The following BCL11B variants were observed in gnomAD, a reference collection of about 807,000 sequenced individuals.
The protein encoded by BCL11B is BCL11 transcription factor B, also known as B-cell lymphoma/leukemia 11B.
BCL11B carries 8 observed loss-of-function variants against 49.9 expected under a neutral mutation model. The ratio of observed to expected loss-of-function variants is 0.16; its 90% confidence interval spans 0.09 to 0.29. BCL11B has a LOEUF of 0.29. BCL11B is among the 10% of genes least tolerant of loss of function. The probability of loss-of-function intolerance (pLI) is 1.00; values close to 1 mark genes in which losing one functional copy is unlikely to be tolerated. For missense variants in BCL11B, 1,006 were observed against 1,351.0 expected (o/e 0.74, Z 4.00); for synonymous variants, 739 against 637.4 (o/e 1.16, Z -2.40).
In BCL11B at chr14:99,226,351, G is replaced by A. The variant is rs74478722; in HGVS notation, c.640+4994C>T. 5.7e-3 allele frequency among the ~76,000 whole-genome samples: 865 copies of A among 152,148 alleles called. 8 individuals carry two copies. The highest frequency in any genetic ancestry group is 0.02 in the African/African-American group (835 of 41,502). On this transcript the variant is annotated intron_variant, in intron 3 of 3. Coordinates refer to ENST00000357195, the MANE Select transcript of BCL11B (RefSeq NM_138576.4). ...GCTGTCCACACACGCTCACTCACAC[G>A]GTTCTTTTTTTGTCTTCACCCCCAT...
chr14:99,255,433 A>G (rs1447844790), intron 2 of BCL11B, among the ~76,000 whole-genome samples: 2 of 136,000 alleles, frequency 1.5e-5, no homozygotes, highest in African/African-American at 6.1e-5. Context: ...AAAAAAAAAA[A>G]AACAGGGGGG....
chr14:99,174,149 G>A lies in BCL11B; in HGVS notation c.*2C>T, dbSNP rs575421828. The A allele has an allele frequency of 4.6e-5, 74 of 1,610,910 alleles. No homozygotes were observed. Among genetic ancestry groups the A allele is most frequent in the Admixed American group, 2.7e-4 (16 of 60,004 alleles). ...AGGTGCGGGGCGCCGGGGCCCGCGC[G>A]CTTAGCTCCTCTCGGCCTGCTCGAT... On this transcript the variant is annotated 3_prime_UTR_variant, in exon 4 of 4. Coordinates refer to ENST00000357195, the MANE Select transcript of BCL11B (RefSeq NM_138576.4).
chr14:99,265,899 A>G (rs1456888705), intron 1 of BCL11B, among the ~76,000 whole-genome samples: 2 of 152,218 alleles, frequency 1.3e-5, no homozygotes, highest in African/African-American at 4.8e-5. Context: ...ACTCTAGCAT[A>G]AGACTCAGGG....
At position 99,242,192 on chromosome 14, in the gene BCL11B, C is replaced by T. The variant is rs1413409267; in HGVS notation, c.428-10635G>A. On this transcript the variant is annotated intron_variant, in intron 2 of 3. Transcript: ENST00000357195. The surrounding 1 kb of genome is among the most constrained non-coding windows in gnomAD (Gnocchi z 4.4). ...ATGCATGTGTCAAAAGAAGGCAGCA[C>T]TAATCTGCTGGTTAATTAACGAGCT... Among the ~76,000 whole-genome samples the T allele has an allele frequency of 6.6e-5, 10 of 152,194 alleles. No homozygotes were observed. The highest frequency in any genetic ancestry group is 2.0e-4 in the Admixed American group (3 of 15,278).
intron 3 of BCL11B, among the ~76,000 whole-genome samples, chr14:99,181,392 G>C (rs1286859185): frequency 6.6e-6 from 1 of 152,198 alleles, no homozygotes; most frequent in Admixed American, 6.5e-5. Context: ...CATCCCAGCT[G>C]GCACGTGAGC....
intron 3 of BCL11B, among the ~76,000 whole-genome samples, chr14:99,198,343 C>G (rs183320372): frequency 1.3e-5 from 2 of 152,298 alleles, no homozygotes; most frequent in African/African-American, 4.8e-5. Flanking sequence ...GACAAGAACA[C>G]ACAGACATCG....
chr14:99,240,021 G>C (rs141055335), intron 2 of BCL11B, among the ~76,000 whole-genome samples: 1 of 152,324 alleles, frequency 6.6e-6, no homozygotes, highest in African/African-American at 2.4e-5. Context: ...GGTGCAGATG[G>C]AGTCATGGAT....
intron 3 of BCL11B, among the ~76,000 whole-genome samples, chr14:99,229,312 A>C (rs937217237): frequency 1.3e-5 from 2 of 152,212 alleles, no homozygotes; most frequent in Non-Finnish European, 2.9e-5. Flanking sequence ...GGCCCTCCAT[A>C]CACAGTCCTC....
chr14:99,259,904 T>C (rs1889287120), intron 1 of BCL11B, among the ~76,000 whole-genome samples: 1 of 152,240 alleles, frequency 6.6e-6, no homozygotes, highest in Non-Finnish European at 1.5e-5. Flanking sequence ...TGTCAGAATG[T>C]AAAAGGTAAT....
intron 3 of BCL11B, among the ~76,000 whole-genome samples, chr14:99,185,946 C>G (rs1419180957): frequency 6.6e-6 from 1 of 152,236 alleles, no homozygotes; most frequent in Non-Finnish European, 1.5e-5. Context: ...TTCACTTGTT[C>G]CTTCCTCCCT....
At chr14:99,251,222 A>C (rs1488815713) in intron 2 of BCL11B, among the ~76,000 whole-genome samples, 1 of 152,216 alleles carries the variant, frequency 6.6e-6, no homozygotes. Context: ...CAAGTCACTG[A>C]GCAGGTGAGA....
rs566140199 is a variant in BCL11B, at chr14:99,221,836, G to A, written c.640+9509C>T. On this transcript the variant is annotated intron_variant, in intron 3 of 3. Transcript: ENST00000357195. ...CACCCCATCGCAGTGAGTTCCTCTA[G>A]GGCAAGGACCCTGTCACGCCCATTT... Among the ~76,000 whole-genome samples the A allele has an allele frequency of 9.8e-4, 150 of 152,336 alleles. 1 individual carries two copies. The highest frequency in any genetic ancestry group is 3.3e-3 in the African/African-American group (136 of 41,580).
At chr14:99,229,996 C>T (rs1003031114) in intron 3 of BCL11B, among the ~76,000 whole-genome samples, 2 of 152,204 alleles carry the variant, frequency 1.3e-5, no homozygotes, top group Non-Finnish European at 2.9e-5. Context: ...CGACTCCTTC[C>T]CAGGAGATTT....
chr14:99,267,609 G>T (rs922727161), intron 1 of BCL11B, among the ~76,000 whole-genome samples: 1 of 151,596 alleles, frequency 6.6e-6, no homozygotes, highest in African/African-American at 2.4e-5. Context: ...TTTATCGGAG[G>T]CCCAATTCTG....
intron 3 of BCL11B, among the ~76,000 whole-genome samples, chr14:99,229,070 G>GGATGGATGGATGGATGGATA (rs1888246960): frequency 2.0e-5 from 3 of 149,180 alleles, no homozygotes; most frequent in Non-Finnish European, 3.0e-5. Flanking sequence ...ATGGATGGAT[G>GGATGGATGGATGGATGGATA]GATGGATGGA....
At chr14:99,186,018 A>C (rs1886842619) in intron 3 of BCL11B, among the ~76,000 whole-genome samples, 1 of 152,230 alleles carries the variant, frequency 6.6e-6, no homozygotes, top group African/African-American at 2.4e-5. Context: ...GGAGGGACAC[A>C]CAAAGAAATG....
At chr14:99,253,828 G>A (rs1242839862) in intron 2 of BCL11B, among the ~76,000 whole-genome samples, 1 of 152,220 alleles carries the variant, frequency 6.6e-6, no homozygotes, top group Non-Finnish European at 1.5e-5. Context: ...GAATGCCACA[G>A]GCAGGAACCT....
At position 99,170,638 on chromosome 14, in the gene BCL11B, G is replaced by A. The variant is rs745408433; in HGVS notation, c.*3513C>T. 2.1e-5 allele frequency: 5 copies of A among 233,046 alleles called. No homozygotes were observed. Among genetic ancestry groups the A allele is most frequent in the African/African-American group, 8.8e-5 (4 of 45,312 alleles). The allele number at this position is 233,046 out of a possible 1,614,324, so 14.4% of individuals were successfully genotyped here. On this transcript the variant is annotated 3_prime_UTR_variant, in exon 4 of 4. Coordinates refer to ENST00000357195, the MANE Select transcript of BCL11B (RefSeq NM_138576.4). ...GAAACGCAGGGGAAGGAGAGAGAACGAGATATGGAAAGGCACCAAATTCAT... is the reference window on the plus strand; with the variant it reads ...GAAACGCAGGGGAAGGAGAGAGAACAAGATATGGAAAGGCACCAAATTCAT...
chr14:99,226,256 TAAC>T (rs1364993231), intron 3 of BCL11B, among the ~76,000 whole-genome samples: 2 of 152,240 alleles, frequency 1.3e-5, no homozygotes, highest in Admixed American at 6.5e-5. Context: ...AGAAGGATCC[TAAC>T]AACAAACGTT....
Sources: gnomAD v4.1 joint callset for allele counts (sites outside exome capture counted in the v4.1 genomes callset) on GRCh38, gnomAD v4.1.1 for gene constraint, Gnocchi (gnomAD v3.1) non-coding constraint, MANE v1.5 for transcripts, NCBI Gene and HGNC (gene_info 2026-07-23, HGNC 2026-07-21) for gene names.